OPRD1: variants seen among roughly 807,000 people sequenced by gnomAD.
OPRD1 encodes the protein delta-type opioid receptor.
OPRD1 carries 19 observed loss-of-function variants against 17.5 expected under a neutral mutation model. The ratio of observed to expected loss-of-function variants is 1.09; its 90% CI spans 0.76 to 1.60. The LOEUF (loss-of-function observed/expected upper bound fraction) is 1.60. Ranked by LOEUF, OPRD1 falls within the 40% of genes most tolerant of loss-of-function variation. The pLI is 0.00. For missense variants in OPRD1, 483 were observed against 547.2 expected (o/e 0.88, Z 1.17); for synonymous variants, 256 against 240.9 (o/e 1.06, Z -0.58).
chr1:28,858,267 T>C (rs1001220315), intron 1 of OPRD1, among the ~76,000 whole-genome samples: 7 of 146,424 alleles, frequency 4.8e-5, no homozygotes, highest in Admixed American at 1.4e-4. Context: ...GCGCCCACCA[T>C]CACGCCCGGC....
At chr1:28,854,543 C>T (rs1391615968) in intron 1 of OPRD1, among the ~76,000 whole-genome samples, 6 of 151,970 alleles carry the variant, frequency 3.9e-5, no homozygotes, top group South Asian at 2.1e-4. Context: ...TAGAGTGAGC[C>T]GCCAACTTAC....
At chr1:28,814,173 C>A (rs530574522) in intron 1 of OPRD1, among the ~76,000 whole-genome samples, 1 of 152,148 alleles carries the variant, frequency 6.6e-6, no homozygotes, top group South Asian at 2.1e-4. Flanking sequence ...GTGATTCTCC[C>A]CACTTCGCAG....
rs1279680365 is a variant in OPRD1 at position 28,870,487 on chromosome 1, C to T, written c.*7204C>T. The T allele has an allele frequency of 2.0e-5, 3 of 152,240 alleles. No homozygotes were observed. The highest frequency in any genetic ancestry group is 7.2e-5 in the African/African-American group (3 of 41,440). The allele number at this position is 152,240 out of a possible 1,614,324, so 9.4% of individuals were successfully genotyped here. A position where few individuals can be genotyped will look rare whatever the true frequency, so the allele number is the denominator to read the frequency against. On this transcript the variant is annotated 3_prime_UTR_variant, in exon 3 of 3. Coordinates refer to ENST00000234961, the MANE Select transcript of OPRD1 (RefSeq NM_000911.4). ...CGAACTCCTGACCTCAACTGATCCACCCACCTCGGCCTCCCAAAGTGCTAG... is the reference window on the plus strand; with the variant it reads ...CGAACTCCTGACCTCAACTGATCCATCCACCTCGGCCTCCCAAAGTGCTAG...
intron 1 of OPRD1, among the ~76,000 whole-genome samples, chr1:28,822,648 A>T (rs2088725873): frequency 1.4e-5 from 2 of 145,944 alleles, no homozygotes; most frequent in Non-Finnish European, 3.0e-5. Flanking sequence ...TGCCCGGTTA[A>T]TTTTTTTTTT....
At chr1:28,821,810 T>TG (rs1239939350) in intron 1 of OPRD1, among the ~76,000 whole-genome samples, 1 of 151,940 alleles carries the variant, frequency 6.6e-6, no homozygotes, top group Non-Finnish European at 1.5e-5. Context: ...GAGGCCATGG[T>TG]GGGAGGATCA....
At position 28,865,959 on chromosome 1, in the gene OPRD1, G is replaced by A. The variant is rs1288517637; in HGVS notation, c.*2676G>A. 6.6e-6 allele frequency: 1 copy of A among 152,266 alleles called. No individual in the cohort carries two copies. The highest frequency in any genetic ancestry group is 1.9e-4 in the East Asian group (1 of 5,198). The allele number at this position is 152,266 out of a possible 1,614,324, so 9.4% of individuals were successfully genotyped here. ...TGAAGCCCACTCACTGCCATCTCCTGTGTCTGTAACAGATCTGGCTGTTTT... is the reference window on the plus strand; with the variant it reads ...TGAAGCCCACTCACTGCCATCTCCTATGTCTGTAACAGATCTGGCTGTTTT... On this transcript the variant is annotated 3_prime_UTR_variant, in exon 3 of 3. Coordinates refer to ENST00000234961, the MANE Select transcript of OPRD1 (RefSeq NM_000911.4).
intron 1 of OPRD1, among the ~76,000 whole-genome samples, chr1:28,822,488 C>G (rs2088724697): frequency 6.6e-6 from 1 of 151,750 alleles, no homozygotes. Context: ...GATTGATTGA[C>G]TGATTGATTT....
intron 1 of OPRD1, among the ~76,000 whole-genome samples, chr1:28,835,027 G>C (rs1420486322): frequency 6.6e-6 from 1 of 152,196 alleles, no homozygotes; most frequent in East Asian, 1.9e-4. Flanking sequence ...GAGTGGGTGT[G>C]GGGTAGAGGG....
intron 1 of OPRD1, among the ~76,000 whole-genome samples, chr1:28,823,289 T>C (rs2088731892): frequency 6.8e-6 from 1 of 147,282 alleles, no homozygotes; most frequent in Admixed American, 7.0e-5. Flanking sequence ...TTCCACCTCC[T>C]GGGTTCAAGT....
At chr1:28,813,288 T>C (rs2088647681) in intron 1 of OPRD1, among the ~76,000 whole-genome samples, 1 of 152,194 alleles carries the variant, frequency 6.6e-6, no homozygotes, top group Admixed American at 6.5e-5. Flanking sequence ...TGCCAGTGAT[T>C]CCTGGATAAC....
chr1:28,840,514 A>C (rs2124274757), intron 1 of OPRD1, among the ~76,000 whole-genome samples: 1 of 152,312 alleles, frequency 6.6e-6, no homozygotes, highest in South Asian at 2.1e-4. Context: ...GGGGAAAAGC[A>C]CTGGGTTTGA....
In OPRD1 at chr1:28,863,195, GC is replaced by G. The variant is rs1381037479; in HGVS notation, c.1032del (p.Phe345SerfsTer133). 6.3e-7 allele frequency: 1 copy of G among 1,590,510 alleles called. No homozygotes were observed. The highest frequency in any genetic ancestry group is 1.1e-5 in the South Asian group (1 of 89,530). On this transcript the variant is annotated frameshift_variant, in exon 3 of 3. Transcript: ENST00000234961. LOFTEE classifies it low-confidence loss of function (END_TRUNC). ...CCCTGCGGCCGCCCAGACCCCAGCA[GC>G]TTCAGCCGCGCCCGCGAAGCCACGG... ...RKPCGRPDPSSFSRAREATAR... is the reference protein window; with the variant it reads ...RKPCGRPDPSXFSRAREATAR...
At chr1:28,827,063 G>A (rs2088774000) in intron 1 of OPRD1, among the ~76,000 whole-genome samples, 2 of 152,224 alleles carry the variant, frequency 1.3e-5, no homozygotes, top group Admixed American at 1.3e-4. Flanking sequence ...GGGAGGCCAA[G>A]GTGGGCAGAT....
At chr1:28,848,431 T>C (rs2124282227) in intron 1 of OPRD1, among the ~76,000 whole-genome samples, 1 of 152,260 alleles carries the variant, frequency 6.6e-6, no homozygotes, top group South Asian at 2.1e-4. Context: ...CTAGGCAGTG[T>C]CCATCAATAT....
At chr1:28,858,731 A>G (rs558990527) in intron 1 of OPRD1, among the ~76,000 whole-genome samples, 1 of 151,754 alleles carries the variant, frequency 6.6e-6, no homozygotes, top group Non-Finnish European at 1.5e-5. Context: ...TTTTTAGTAG[A>G]GATGGGGTTT....
rs56235660 is a variant in OPRD1, at chr1:28,859,319, C to T, written c.577+16C>T. ...CGTCCCCGGGGTGAGTGAGTGAGTG[C>T]ACCATGGCACAGGCCACTGACCACA... is the stretch of plus-strand genomic sequence containing the variant. On this transcript the variant is annotated intron_variant, in intron 2 of 2. Coordinates refer to ENST00000234961, the MANE Select transcript of OPRD1 (RefSeq NM_000911.4). 4.8e-3 allele frequency: 7,603 copies of T among 1,596,890 alleles called. 217 individuals are homozygous for T. The African/African-American group carries it at 0.072, about 15-fold the overall frequency.
chr1:28,859,307 A>T lies in OPRD1; in HGVS notation c.577+4A>T. On this transcript the variant is annotated splice_donor_region_variant and intron_variant, in intron 2 of 2. Coordinates refer to ENST00000234961, the MANE Select transcript of OPRD1 (RefSeq NM_000911.4). ...ATGGCTGTGACCCGTCCCCGGGGTG[A>T]GTGAGTGAGTGCACCATGGCACAGG... 1 of 1,606,064 alleles carries T rather than the reference A, an allele frequency of 6.2e-7. No homozygotes were observed. The highest frequency in any genetic ancestry group is 1.1e-5 in the South Asian group (1 of 90,194).
intron 1 of OPRD1, among the ~76,000 whole-genome samples, chr1:28,817,911 G>C (rs922089793): frequency 6.9e-6 from 1 of 145,442 alleles, no homozygotes; most frequent in Non-Finnish European, 1.5e-5. Flanking sequence ...GCGGGGGGGG[G>C]GTTTCACCAT....
At chr1:28,840,315 G>A (rs574723415) in intron 1 of OPRD1, among the ~76,000 whole-genome samples, 18 of 152,146 alleles carry the variant, frequency 1.2e-4, no homozygotes, top group East Asian at 3.9e-4. Context: ...GTGCAGTGGC[G>A]TAATCATAGC....
Sources: allele counts gnomAD v4.1 joint callset (sites outside exome capture counted in the v4.1 genomes callset), GRCh38; gene constraint gnomAD v4.1.1; transcripts MANE v1.5; gene names NCBI Gene and HGNC (gene_info 2026-07-23, HGNC 2026-07-21).